TENM2: variants seen among roughly 807,000 people sequenced by gnomAD.
The protein encoded by TENM2 is teneurin transmembrane protein 2.
A neutral mutation model predicts 245.2 loss-of-function variants in TENM2; 52 were observed. The ratio of observed to expected loss-of-function variants is 0.21; its 90% CI spans 0.17 to 0.27. The LOEUF is 0.27. Ranked by LOEUF, TENM2 falls within the 10% of genes least tolerant of loss-of-function variation. The pLI is 1.00. For missense variants in TENM2, 3,046 were observed against 3,666.8 expected (o/e 0.83, Z 4.37); for synonymous variants, 1,363 against 1,438.9 (o/e 0.95, Z 1.19).
intron 1 of TENM2, among the ~76,000 whole-genome samples, chr5:167,336,911 A>G (rs1757798779): frequency 6.6e-6 from 1 of 151,032 alleles, no homozygotes; most frequent in Admixed American, 6.6e-5. Flanking sequence ...AGGTCAGGAG[A>G]TCGAGACCAT....
intron 25 of TENM2, among the ~76,000 whole-genome samples, chr5:168,241,561 C>T (rs1229650618): frequency 6.6e-6 from 1 of 151,844 alleles, no homozygotes; most frequent in Non-Finnish European, 1.5e-5. Flanking sequence ...ACGCACCTGG[C>T]CTATGCATCC....
chr5:167,044,073 G>GAAAGGAAGGA, the TENM2 span, among the ~76,000 whole-genome samples: 3 of 151,812 alleles, frequency 2.0e-5, no homozygotes, highest in African/African-American at 7.3e-5. Context: ...AGGAAGGAAG[G>GAAAGGAAGGA]AAGGAAGGAA....
At chr5:167,407,023 C>A (rs974594931) in intron 2 of TENM2, among the ~76,000 whole-genome samples, 2 of 152,046 alleles carry the variant, frequency 1.3e-5, no homozygotes, top group Non-Finnish European at 2.9e-5. Flanking sequence ...CACACAGCAG[C>A]AATTGAGATG....
chr5:167,981,299 C>T (rs1361725061), intron 4 of TENM2, among the ~76,000 whole-genome samples: 1 of 152,210 alleles, frequency 6.6e-6, no homozygotes, highest in African/African-American at 2.4e-5. Flanking sequence ...CATGCAATAT[C>T]TTCCCATTCC....
intron 27 of TENM2, among the ~76,000 whole-genome samples, chr5:168,258,474 C>G (rs1437025853): frequency 6.6e-6 from 1 of 152,036 alleles, no homozygotes; most frequent in African/African-American, 2.4e-5. Flanking sequence ...GCACTCCAGC[C>G]TGGGTGACAG....
the TENM2 span, among the ~76,000 whole-genome samples, chr5:166,998,409 C>T: frequency 6.6e-6 from 1 of 152,134 alleles, no homozygotes; most frequent in African/African-American, 2.4e-5. Flanking sequence ...ATCTTCCCTC[C>T]AATGTTACTG....
chr5:167,452,931 T>TATATATATATATATATA, intron 2 of TENM2, among the ~76,000 whole-genome samples: 1 of 4,886 alleles, frequency 2.0e-4, no homozygotes, highest in East Asian at 6.5e-3. Flanking sequence ...AAAGTATGAT[T>TATATATATATATATATA]TATATATATA....
chr5:167,118,143 T>C, the TENM2 span, among the ~76,000 whole-genome samples: 1 of 152,198 alleles, frequency 6.6e-6, no homozygotes, highest in South Asian at 2.1e-4. Flanking sequence ...ATAGTATTCT[T>C]CCAGTTTGTA....
chr5:167,084,518 G>A, the TENM2 span, among the ~76,000 whole-genome samples: 5 of 151,076 alleles, frequency 3.3e-5, no homozygotes, highest in East Asian at 3.9e-4. Context: ...ACGTGATATC[G>A]TGGGCCAACT....
chr5:167,552,137 C>T (rs1772987393), intron 2 of TENM2, among the ~76,000 whole-genome samples: 1 of 152,276 alleles, frequency 6.6e-6, no homozygotes, highest in Non-Finnish European at 1.5e-5. Context: ...CATTGCAAAG[C>T]TATCACAAAT....
At chr5:168,183,633 G>A (rs769575325) in intron 13 of TENM2, among the ~76,000 whole-genome samples, 1 of 151,916 alleles carries the variant, frequency 6.6e-6, no homozygotes, top group Non-Finnish European at 1.5e-5. Flanking sequence ...CATCTTTCTT[G>A]CCCCAACTTA....
At chr5:167,745,525 T>C (rs976937693) in intron 2 of TENM2, among the ~76,000 whole-genome samples, 1 of 152,222 alleles carries the variant, frequency 6.6e-6, no homozygotes, top group Non-Finnish European at 1.5e-5. Flanking sequence ...TGAAGTATAA[T>C]TCACATACCA....
intron 2 of TENM2, among the ~76,000 whole-genome samples, chr5:167,560,340 C>T (rs188477905): frequency 6.7e-6 from 1 of 149,830 alleles, no homozygotes; most frequent in Non-Finnish European, 1.5e-5. Flanking sequence ...ATTTTGCATG[C>T]GACAGTTGAG....
intron 2 of TENM2, among the ~76,000 whole-genome samples, chr5:167,418,811 C>T (rs1763314419): frequency 6.6e-6 from 1 of 152,094 alleles, no homozygotes; most frequent in African/African-American, 2.4e-5. Context: ...GGGAAATCAA[C>T]ATTGGTAAAA....
the TENM2 span, among the ~76,000 whole-genome samples, chr5:166,993,871 G>GAAGA: frequency 0.016 from 2,446 of 152,284 alleles, 61 homozygotes; most frequent in African/African-American, 0.052. Flanking sequence ...GCATGCTTTT[G>GAAGA]AAGAATTGAA....
chr5:167,226,030 TTTTG>T, the TENM2 span, among the ~76,000 whole-genome samples: 2 of 152,104 alleles, frequency 1.3e-5, no homozygotes, highest in Middle Eastern at 3.4e-3. Flanking sequence ...TGATTTATGA[TTTTG>T]TTTATTTGGG....
intron 3 of TENM2, among the ~76,000 whole-genome samples, chr5:167,894,973 GGAAGGAAGGAA>G (rs1775078359): frequency 7.5e-6 from 1 of 134,220 alleles, no homozygotes; most frequent in African/African-American, 2.7e-5. Context: ...AAGGAAGGAA[GGAAGGAAGGAA>G]GGAAGGAGGG....
At chr5:168,195,402 A>G (rs1761324225) in intron 15 of TENM2, 107 bp downstream of exon 17, 4 of 1,302,334 alleles carry the variant, frequency 3.1e-6, no homozygotes, top group Non-Finnish European at 4.2e-6. Flanking sequence ...GTGGACTGGA[A>G]TGTCCACCAG....
chr5:167,565,913 C>T (rs1773877794), intron 2 of TENM2, among the ~76,000 whole-genome samples: 1 of 152,148 alleles, frequency 6.6e-6, no homozygotes, highest in South Asian at 2.1e-4. Context: ...GACATCTGCA[C>T]AGACTAATCA....
Sources: gnomAD v4.1 joint callset for allele counts (sites outside exome capture counted in the v4.1 genomes callset) on GRCh38, gnomAD v4.1.1 for gene constraint, MANE v1.5 for transcripts, NCBI Gene and HGNC (gene_info 2026-07-23, HGNC 2026-07-21) for gene names.